The following PCDHGA7 variants were observed in gnomAD, a reference collection of about 807,000 sequenced individuals.
The protein encoded by PCDHGA7 is protocadherin gamma subfamily A, 7, also known as protocadherin gamma-A7.
In PCDHGA7, 44 loss-of-function variants were observed where a neutral mutation model predicts 58.3. That is an observed-to-expected ratio of 0.75 (90% CI 0.59 to 0.97). The LOEUF is 0.97. Among genes scored for constraint, PCDHGA7 ranks in the 50% least tolerant of loss-of-function variants. The pLI is 0.00. For missense variants in PCDHGA7, 1,266 were observed against 1,188.7 expected (o/e 1.06, Z -0.96); for synonymous variants, 516 against 504.2 (o/e 1.02, Z -0.31).
Position 141,422,925 on chromosome 5 carries a change from T to C in PCDHGA7, c.2424+37602T>C, listed in dbSNP as rs568894245. ...ACAATGCGCCCGAGATCCTGTACCC[T>C]GCCCTCCCCACAGACGGCTCCACTG... On this transcript the variant is annotated intron_variant, in intron 1 of 3. Transcript: ENST00000518325. 1.4e-4 allele frequency: 220 copies of C among 1,614,202 alleles called. 2 individuals are homozygous for C. The South Asian group carries it at 2.2e-3, about 16-fold the overall frequency.
At position 141,487,946 on chromosome 5, in the gene PCDHGA7, C is replaced by G. The variant is rs187890859; in HGVS notation, c.2425-6861C>G. 7.9e-5 allele frequency among the ~76,000 whole-genome samples: 12 copies of G among 152,298 alleles called. No homozygotes were observed. The highest frequency in any genetic ancestry group is 7.8e-4 in the Admixed American group (12 of 15,304). Reference sequence around the variant, plus strand: ...AGTGCACAGGGTACAGTGCACCAGGCAGTCACTTGGACAAAGGTGGCTGTT... The same window carrying G: ...AGTGCACAGGGTACAGTGCACCAGGGAGTCACTTGGACAAAGGTGGCTGTT... On this transcript the variant is annotated intron_variant, in intron 1 of 3. Transcript: ENST00000518325. The surrounding 1 kb of genome is among the most constrained non-coding windows in gnomAD (Gnocchi z 5.0).
chr5:141,390,183 T>G, intron 1 of PCDHGA7: 2 of 1,614,036 alleles, frequency 1.2e-6, no homozygotes, highest in Non-Finnish European at 1.7e-6. Context: ...TTTCCTAAAA[T>G]GTAGTGAGCA....
intron 1 of PCDHGA7, chr5:141,399,985 G>A (rs775731140): frequency 6.2e-7 from 1 of 1,612,396 alleles, no homozygotes; most frequent in South Asian, 1.1e-5. Flanking sequence ...GCTGCGCACA[G>A]GAGAGGTGCG....
chr5:141,427,664 C>T (rs760682962), intron 1 of PCDHGA7: 11 of 775,778 alleles, frequency 1.4e-5, no homozygotes, highest in East Asian at 1.0e-4. Context: ...TCCACGTGGC[C>T]GAAAACAACC....
At chr5:141,507,120 T>TA (rs1256499995) in intron 3 of PCDHGA7, 2 of 152,206 alleles carry the variant, frequency 1.3e-5, no homozygotes, top group African/African-American at 4.8e-5. Context: ...TGGCTGCCTT[T>TA]GGATCCAGCC....
chr5:141,484,897 A>G (rs2099602925), intron 1 of PCDHGA7: 2 of 392,698 alleles, frequency 5.1e-6, no homozygotes, highest in Middle Eastern at 7.1e-4. Flanking sequence ...TTTCCCCTCC[A>G]ATGCTGCGAC....
At chr5:141,406,109 G>C (rs2094766123) in intron 1 of PCDHGA7, among the ~76,000 whole-genome samples, 1 of 144,746 alleles carries the variant, frequency 6.9e-6, no homozygotes, top group South Asian at 2.2e-4. Flanking sequence ...GTGTCATTCT[G>C]TTGTCCAGGG....
chr5:141,476,029 A>G lies in PCDHGA7; in HGVS notation c.2425-18778A>G, dbSNP rs975943706. The G allele has an allele frequency of 2.3e-5, 34 of 1,455,312 alleles. No homozygotes were observed. The highest frequency in any genetic ancestry group is 1.1e-4 in the African/African-American group (8 of 70,728). 90.1% of individuals were successfully genotyped at this position (1,455,312 alleles called of 1,614,324 possible). A position where few individuals can be genotyped will look rare whatever the true frequency, so the allele number is the denominator to read the frequency against. On this transcript the variant is annotated intron_variant, in intron 1 of 3. Transcript: ENST00000518325. The surrounding 1 kb of genome is among the most constrained non-coding windows in gnomAD (Gnocchi z 7.6). The stretch of plus-strand genomic sequence containing the variant: ...GAAAGCCATGTCGGACTCGGCGCCC[A>G]GCGCCCAAGCGCTAACCCGCTGAAA...
rs780007896 is a variant in PCDHGA7 at position 141,399,692 on chromosome 5, G to T, written c.2424+14369G>T. 1.2e-5 allele frequency: 19 copies of T among 1,613,318 alleles called. No individual in the cohort carries two copies. The South Asian group carries it at 2.1e-4, about 18-fold the overall frequency. ...CGCGCCTTTGACTACGAGCAGCTGC[G>T]CACCTTCGAACTCACACTACAGGCC... On this transcript the variant is annotated intron_variant, in intron 1 of 3. Coordinates refer to ENST00000518325, the MANE Select transcript of PCDHGA7 (RefSeq NM_018920.4).
chr5:141,394,489 C>T (rs989814835), intron 1 of PCDHGA7: 5 of 1,614,122 alleles, frequency 3.1e-6, no homozygotes, highest in Non-Finnish European at 4.2e-6. Context: ...AATGACAACG[C>T]GCCCGAGATC....
intron 1 of PCDHGA7, chr5:141,400,083 C>T (rs1396687812): frequency 6.2e-7 from 1 of 1,614,048 alleles, no homozygotes; most frequent in Non-Finnish European, 8.5e-7. Context: ...CACTCTCCGC[C>T]ACCGCCACGC....
Position 141,490,254 on chromosome 5 carries a change from G to A in PCDHGA7, c.2425-4553G>A. The A allele has an allele frequency of 6.2e-7, 1 of 1,614,236 alleles. No homozygotes were observed. Among genetic ancestry groups the A allele is most frequent in the Non-Finnish European group, 8.5e-7 (1 of 1,180,038 alleles). ...TGGAGGGCCACTGTGTGATTCAAGT[G>A]GATGTGGGGGATGTCAATGACAATG... On this transcript the variant is annotated intron_variant, in intron 1 of 3. Coordinates refer to ENST00000518325, the MANE Select transcript of PCDHGA7 (RefSeq NM_018920.4). The surrounding 1 kb of genome is among the most constrained non-coding windows in gnomAD (Gnocchi z 5.4).
At chr5:141,478,567 C>A in intron 1 of PCDHGA7, 1 of 1,593,812 alleles carries the variant, frequency 6.3e-7, no homozygotes, top group Non-Finnish European at 8.6e-7. Flanking sequence ...GCAAGTCATG[C>A]TTGACCCTGT....
At position 141,383,551 on chromosome 5, in the gene PCDHGA7, G is replaced by T. The variant is rs772901140; in HGVS notation, c.652G>T (p.Gly218Cys). ...CCTGGTCCTCACAGCCTCTGATGGC[G>T]GCGACCCGCCCCGATCCAGCACCGC... ...HHLVLTASDGGDPPRSSTAHI... is the reference protein window; with the variant it reads ...HHLVLTASDGCDPPRSSTAHI... Residue 218 changes from glycine to cysteine, a missense_variant, in exon 1 of 4, where the codon GGC becomes TGC. Physicochemically the swap from Gly to Cys is radical, Grantham distance 159. Coordinates refer to ENST00000518325, the MANE Select transcript of PCDHGA7 (RefSeq NM_018920.4). The T allele has an allele frequency of 6.8e-6, 11 of 1,612,380 alleles. No individual in the cohort carries two copies. Among genetic ancestry groups the T allele is most frequent in the Non-Finnish European group, 9.3e-6 (11 of 1,179,454 alleles).
chr5:141,427,840 A>G (rs779622800), intron 1 of PCDHGA7: 1 of 1,548,180 alleles, frequency 6.5e-7, no homozygotes, highest in Non-Finnish European at 8.8e-7. Flanking sequence ...CGTGCCTTCG[A>G]CCACGAGCAG....
Position 141,485,715 on chromosome 5 carries a change from A to G in PCDHGA7, c.2425-9092A>G. The G allele has an allele frequency of 6.2e-7, 1 of 1,614,114 alleles. No homozygotes were observed. Among genetic ancestry groups the G allele is most frequent in the Non-Finnish European group, 8.5e-7 (1 of 1,180,012 alleles). On this transcript the variant is annotated intron_variant, in intron 1 of 3. Transcript: ENST00000518325. The surrounding 1 kb of genome is among the most constrained non-coding windows in gnomAD (Gnocchi z 5.7). ...AGCTCCAATGAACACTTTGCACTGGATGTGAAGAAGCGCAGCGACGGCAGC... is the reference window on the plus strand; with the variant it reads ...AGCTCCAATGAACACTTTGCACTGGGTGTGAAGAAGCGCAGCGACGGCAGC...
Position 141,431,794 on chromosome 5 carries a change from A to C in PCDHGA7, c.2424+46471A>C. On this transcript the variant is annotated intron_variant, in intron 1 of 3. Coordinates refer to ENST00000518325, the MANE Select transcript of PCDHGA7 (RefSeq NM_018920.4). The surrounding 1 kb of genome is among the most constrained non-coding windows in gnomAD (Gnocchi z 4.8). ...TTCTGGACGTGAACGACAATGCCCC[A>C]GAAGTGGTCCTCACCTCTCTCGCCA... 1 of 1,614,260 alleles carries C rather than the reference A, an allele frequency of 6.2e-7. No individual in the cohort carries two copies. Among genetic ancestry groups the C allele is most frequent in the Non-Finnish European group, 8.5e-7 (1 of 1,180,046 alleles).
At chr5:141,502,697 T>C (rs893610041) in intron 2 of PCDHGA7, among the ~76,000 whole-genome samples, 13 of 152,208 alleles carry the variant, frequency 8.5e-5, no homozygotes, top group African/African-American at 3.1e-4. Context: ...CTTGCCTGTA[T>C]CTGTTTTTAC....
chr5:141,387,303 A>C (rs563124332), intron 1 of PCDHGA7, among the ~76,000 whole-genome samples: 1 of 152,334 alleles, frequency 6.6e-6, no homozygotes, highest in East Asian at 1.9e-4. Context: ...TATCCAGTAT[A>C]TTTCTAATGA....
Sources: gnomAD v4.1 joint callset for allele counts (sites outside exome capture counted in the v4.1 genomes callset) on GRCh38, gnomAD v4.1.1 for gene constraint, Gnocchi (gnomAD v3.1) non-coding constraint, MANE v1.5 for transcripts, NCBI Gene and HGNC (gene_info 2026-07-23, HGNC 2026-07-21) for gene names.